KCNH1: variants seen among roughly 807,000 people sequenced by gnomAD.
The protein encoded by KCNH1 is potassium voltage-gated channel subfamily H member 1.
In KCNH1, 27 loss-of-function variants were observed where a neutral mutation model predicts 69.2. That is an observed-to-expected ratio of 0.39 (90% CI 0.29 to 0.54). The LOEUF is 0.54. Ranked by LOEUF, KCNH1 falls within the 20% of genes least tolerant of loss-of-function variation. The pLI is 0.68. For missense variants in KCNH1, 798 were observed against 1,261.6 expected (o/e 0.63, Z 5.57); for synonymous variants, 456 against 487.7 (o/e 0.93, Z 0.86).
At chr1:210,856,779 T>TTATATA (rs71134640) in intron 7 of KCNH1, among the ~76,000 whole-genome samples, 3 of 121,740 alleles carry the variant, frequency 2.5e-5, no homozygotes, top group Non-Finnish European at 5.4e-5. Flanking sequence ...TATATATATG[T>TTATATA]TATATATATA....
intron 7 of KCNH1, among the ~76,000 whole-genome samples, chr1:210,857,840 T>C (rs1440309952): frequency 1.3e-5 from 2 of 152,228 alleles, no homozygotes; most frequent in African/African-American, 4.8e-5. Flanking sequence ...CCAATCTCTC[T>C]ACGCTGTCTT....
chr1:210,783,883 T>C (rs910836122), intron 9 of KCNH1, among the ~76,000 whole-genome samples: 8 of 152,192 alleles, frequency 5.3e-5, no homozygotes, highest in African/African-American at 1.9e-4. Context: ...CAGTACAATA[T>C]GTTGACCTCT....
Position 210,853,946 on chromosome 1 carries a change from C to CAAAA in KCNH1, c.1463-49784_1463-49781dup, listed in dbSNP as rs11445997. Among the ~76,000 whole-genome samples the CAAAA allele has an allele frequency of 1.1e-3, 66 of 61,512 alleles. 2 individuals carry two copies. Among genetic ancestry groups the CAAAA allele is most frequent in the African/African-American group, 3.7e-3 (50 of 13,464 alleles). The allele number at this position is 61,512 out of a possible 152,430, so 40.4% of individuals were successfully genotyped here. On this transcript the variant is annotated intron_variant, in intron 7 of 10. Coordinates refer to ENST00000271751, the MANE Select transcript of KCNH1 (RefSeq NM_172362.3). ...TAGCAGTAAAAGCATTTATCTAAGC[C>CAAAA]AAAAAAAAAAAAAAAAAAAAAAGAA...
chr1:210,937,933 T>A (rs2102584275), intron 6 of KCNH1, among the ~76,000 whole-genome samples: 1 of 152,312 alleles, frequency 6.6e-6, no homozygotes, highest in South Asian at 2.1e-4. Context: ...GGAAGCTGCA[T>A]CCATTTATGT....
chr1:210,706,562 G>C (rs1333047028), intron 10 of KCNH1, among the ~76,000 whole-genome samples: 1 of 152,196 alleles, frequency 6.6e-6, no homozygotes, highest in Non-Finnish European at 1.5e-5. Flanking sequence ...GGCTGGAAAG[G>C]ACTGCACAAA....
At chr1:210,964,344 T>C (rs1688356509) in intron 6 of KCNH1, among the ~76,000 whole-genome samples, 1 of 152,066 alleles carries the variant, frequency 6.6e-6, no homozygotes, top group African/African-American at 2.4e-5. Context: ...TGCCAAATTG[T>C]AAAGACCATT....
chr1:210,716,381 G>T (rs1574204087), intron 10 of KCNH1, among the ~76,000 whole-genome samples: 1 of 139,586 alleles, frequency 7.2e-6, no homozygotes, highest in African/African-American at 2.8e-5. Context: ...GCAGTGAGCA[G>T]AGATTGTGCC....
In KCNH1 at chr1:210,871,838, T is replaced by C. The variant is rs1327493532; in HGVS notation, c.1462+47802A>G. On this transcript the variant is annotated intron_variant, in intron 7 of 10. Coordinates refer to ENST00000271751, the MANE Select transcript of KCNH1 (RefSeq NM_172362.3). ...AACACCGCATATTCTCACTCATAGG[T>C]GGGAATTGAACAATGAGAACACATG... Among the ~76,000 whole-genome samples, 4 of 130,556 alleles carry C rather than the reference T, an allele frequency of 3.1e-5. No individual in the cohort carries two copies. In the South Asian group the frequency reaches 7.3e-4, roughly 24 times the overall value. 85.6% of individuals were successfully genotyped at this position (130,556 alleles called of 152,430 possible).
intron 8 of KCNH1, among the ~76,000 whole-genome samples, chr1:210,800,487 G>A (rs985845028): frequency 7.2e-5 from 11 of 152,314 alleles, no homozygotes; most frequent in South Asian, 2.1e-4. Flanking sequence ...CCTTGGCATG[G>A]AGACAATATT....
At chr1:210,779,423 G>T (rs1055705603) in intron 9 of KCNH1, among the ~76,000 whole-genome samples, 2 of 152,186 alleles carry the variant, frequency 1.3e-5, no homozygotes, top group Admixed American at 6.5e-5. Context: ...AGGGGAAGGA[G>T]ATAGAACATT....
intron 5 of KCNH1, among the ~76,000 whole-genome samples, chr1:211,062,397 G>A (rs954818319): frequency 3.3e-5 from 5 of 152,094 alleles, no homozygotes; most frequent in Non-Finnish European, 7.4e-5. Flanking sequence ...CCAATACATT[G>A]GACTGGGCAA....
chr1:210,983,753 G>A (rs1159724374), intron 6 of KCNH1, among the ~76,000 whole-genome samples: 2 of 152,052 alleles, frequency 1.3e-5, no homozygotes, highest in African/African-American at 2.4e-5. Context: ...TTGGCGATGC[G>A]GGCTCTTTTT....
At chr1:210,967,554 C>G (rs975175496) in intron 6 of KCNH1, among the ~76,000 whole-genome samples, 10 of 152,162 alleles carry the variant, frequency 6.6e-5, no homozygotes, top group African/African-American at 2.4e-4. Flanking sequence ...ATTGAGTGGT[C>G]CTTCCTTACC....
chr1:210,857,806 C>A (rs958416996), intron 7 of KCNH1, among the ~76,000 whole-genome samples: 1 of 152,138 alleles, frequency 6.6e-6, no homozygotes, highest in Non-Finnish European at 1.5e-5. Context: ...TTTCAACTTG[C>A]AGTTAGAAAG....
intron 6 of KCNH1, among the ~76,000 whole-genome samples, chr1:210,960,622 G>GC (rs1688274604): frequency 1.3e-5 from 2 of 152,220 alleles, no homozygotes; most frequent in South Asian, 4.1e-4. Context: ...CTGAGTAGTA[G>GC]CCTATTGTAT....
At chr1:211,069,683 A>G (rs1690599480) in intron 5 of KCNH1, among the ~76,000 whole-genome samples, 1 of 152,178 alleles carries the variant, frequency 6.6e-6, no homozygotes, top group Non-Finnish European at 1.5e-5. Context: ...AAAACTGAAA[A>G]GCAAAGAGAA....
At chr1:211,065,551 A>G (rs998022918) in intron 5 of KCNH1, among the ~76,000 whole-genome samples, 1 of 152,204 alleles carries the variant, frequency 6.6e-6, no homozygotes, top group African/African-American at 2.4e-5. Context: ...AATAAGTGCA[A>G]GAGATCTATT....
intron 8 of KCNH1, among the ~76,000 whole-genome samples, chr1:210,799,027 A>G (rs2102402142): frequency 6.6e-6 from 1 of 152,306 alleles, no homozygotes; most frequent in Admixed American, 6.5e-5. Flanking sequence ...CCCTGTCCTC[A>G]TATGAGTTAC....
chr1:210,778,920 T>C (rs944599555), intron 9 of KCNH1, among the ~76,000 whole-genome samples: 3 of 150,764 alleles, frequency 2.0e-5, no homozygotes, highest in African/African-American at 7.3e-5. Flanking sequence ...TTAGGTAAAA[T>C]AGTAGCACTG....
Sources: allele counts gnomAD v4.1 joint callset (sites outside exome capture counted in the v4.1 genomes callset), GRCh38; gene constraint gnomAD v4.1.1; transcripts MANE v1.5; gene names NCBI Gene and HGNC (gene_info 2026-07-23, HGNC 2026-07-21).